The following MSRB3 variants were observed in gnomAD, a reference collection of about 807,000 sequenced individuals.
The protein encoded by MSRB3 is methionine-R-sulfoxide reductase B3.
MSRB3 carries 13 observed loss-of-function variants against 21.0 expected under a neutral mutation model. That is an observed-to-expected ratio of 0.62 (90% CI 0.40 to 0.98). The LOEUF (loss-of-function observed/expected upper bound fraction) is 0.98. Ranked by LOEUF, MSRB3 falls within the 50% of genes least tolerant of loss-of-function variation. MSRB3 has a pLI of 0.00. For missense variants in MSRB3, 199 were observed against 230.3 expected (o/e 0.86, Z 0.88); for synonymous variants, 87 against 88.6 (o/e 0.98, Z 0.10).
chr12:65,462,202 T>A (rs1007349711), intron 6 of MSRB3, among the ~76,000 whole-genome samples: 2 of 152,196 alleles, frequency 1.3e-5, no homozygotes, highest in Admixed American at 1.3e-4. Flanking sequence ...CCTGCTTGAA[T>A]ATGGTGCACC....
chr12:65,389,983 C>A (rs1879390606), intron 5 of MSRB3, among the ~76,000 whole-genome samples: 1 of 152,204 alleles, frequency 6.6e-6, no homozygotes, highest in Non-Finnish European at 1.5e-5. Flanking sequence ...GAACAATCAT[C>A]TTGCCTCCTA....
intron 4 of MSRB3, among the ~76,000 whole-genome samples, chr12:65,336,989 A>C (rs1875805824): frequency 6.6e-6 from 1 of 152,218 alleles, no homozygotes; most frequent in Non-Finnish European, 1.5e-5. Flanking sequence ...CACGCCTGTA[A>C]TCTCAGCACT....
intron 2 of MSRB3, among the ~76,000 whole-genome samples, chr12:65,325,497 C>G (rs760654604): frequency 3.0e-4 from 45 of 152,168 alleles, no homozygotes; most frequent in Non-Finnish European, 3.7e-4. Context: ...GGAGAATCAA[C>G]CGCTCTATCT....
intron 5 of MSRB3, among the ~76,000 whole-genome samples, chr12:65,438,263 A>G (rs1882210861): frequency 6.6e-6 from 1 of 151,936 alleles, no homozygotes; most frequent in African/African-American, 2.4e-5. Flanking sequence ...TGCTGAGACC[A>G]AAATTTGTTG....
At chr12:65,287,948 T>C (rs1347737787) in intron 1 of MSRB3, among the ~76,000 whole-genome samples, 1 of 152,198 alleles carries the variant, frequency 6.6e-6, no homozygotes, top group Non-Finnish European at 1.5e-5. Context: ...TTAAGCTTCT[T>C]GTGCCTCAGT....
intron 3 of MSRB3, 126 bp downstream of exon 3, chr12:65,327,060 T>C (rs969556668): frequency 1.4e-6 from 1 of 740,114 alleles, no homozygotes; most frequent in African/African-American, 1.8e-5. Context: ...TATGAATTAG[T>C]ATCCTTGAAA....
intron 1 of MSRB3, among the ~76,000 whole-genome samples, chr12:65,299,354 C>T (rs1873173685): frequency 6.6e-6 from 1 of 152,130 alleles, no homozygotes. Flanking sequence ...TATACTAGTC[C>T]AAGGTTGGGC....
intron 1 of MSRB3, among the ~76,000 whole-genome samples, chr12:65,294,287 C>G (rs1872825222): frequency 6.6e-6 from 1 of 152,188 alleles, no homozygotes; most frequent in South Asian, 2.1e-4. Flanking sequence ...TGCCCTCTGG[C>G]CTTTCATCCT....
At chr12:65,385,199 G>T (rs1005521512) in intron 5 of MSRB3, among the ~76,000 whole-genome samples, 1 of 152,034 alleles carries the variant, frequency 6.6e-6, no homozygotes, top group Non-Finnish European at 1.5e-5. Flanking sequence ...GGTTTTATTT[G>T]GTGGGAGAAG....
chr12:65,279,332 CT>C (rs1420085812), intron 1 of MSRB3: 1 of 153,252 alleles, frequency 6.5e-6, no homozygotes, highest in African/African-American at 2.4e-5. Context: ...CAGGCCTGCG[CT>C]TTTCGCCGCG....
chr12:65,408,265 T>G (rs1267929299), intron 5 of MSRB3, among the ~76,000 whole-genome samples: 2 of 152,130 alleles, frequency 1.3e-5, no homozygotes, highest in Non-Finnish European at 2.9e-5. Flanking sequence ...CAGCTAATTT[T>G]TGTACTTTTA....
chr12:65,457,020 A>G (rs773876297), intron 6 of MSRB3, among the ~76,000 whole-genome samples: 1 of 151,356 alleles, frequency 6.6e-6, no homozygotes, highest in African/African-American at 2.4e-5. Context: ...CCTTTTTCTC[A>G]GGCATCTTTT....
At chr12:65,431,834 T>A (rs1252175862) in intron 5 of MSRB3, among the ~76,000 whole-genome samples, 1 of 152,142 alleles carries the variant, frequency 6.6e-6, no homozygotes, top group Non-Finnish European at 1.5e-5. Flanking sequence ...TGTTTATAAA[T>A]GGCAGTAGCT....
intron 1 of MSRB3, among the ~76,000 whole-genome samples, chr12:65,304,328 A>T (rs1213148311): frequency 6.6e-6 from 1 of 152,180 alleles, no homozygotes; most frequent in African/African-American, 2.4e-5. Context: ...TTAAGCAGGA[A>T]ATTATAGACA....
At chr12:65,353,926 G>C (rs1166848704) in intron 4 of MSRB3, among the ~76,000 whole-genome samples, 1 of 151,926 alleles carries the variant, frequency 6.6e-6, no homozygotes. Context: ...GCCTGGTGGT[G>C]ACAAAATCTC....
At chr12:65,283,050 G>A (rs1408578401) in intron 1 of MSRB3, among the ~76,000 whole-genome samples, 6 of 152,206 alleles carry the variant, frequency 3.9e-5, no homozygotes, top group Non-Finnish European at 8.8e-5. Flanking sequence ...CTGACCTCCA[G>A]TGGCTCTTTA....
chr12:65,463,833 T>C lies in MSRB3; in HGVS notation c.*511T>C, dbSNP rs1320588083. 1.3e-5 allele frequency: 2 copies of C among 156,830 alleles called. No homozygotes were observed. Among genetic ancestry groups the C allele is most frequent in the African/African-American group, 4.9e-5 (2 of 41,132 alleles). 9.7% of individuals were successfully genotyped at this position (156,830 alleles called of 1,614,324 possible). A position where few individuals can be genotyped will look rare whatever the true frequency, so the allele number is the denominator to read the frequency against. On this transcript the variant is annotated 3_prime_UTR_variant, in exon 7 of 7. Transcript: ENST00000308259. ...TGTGGAAAGTTTGAGCTAAGGTCAT[T>C]TTTTTTTTTCTCACTGAAAGGGTGT...
chr12:65,448,482 A>G (rs1420511836), intron 5 of MSRB3, among the ~76,000 whole-genome samples: 1 of 152,218 alleles, frequency 6.6e-6, no homozygotes, highest in Non-Finnish European at 1.5e-5. Context: ...AGGTATAAGT[A>G]CTAAATCTTA....
chr12:65,384,954 A>T (rs1879134544), intron 5 of MSRB3, among the ~76,000 whole-genome samples: 1 of 152,124 alleles, frequency 6.6e-6, no homozygotes, highest in South Asian at 2.1e-4. Flanking sequence ...TTAATGTTGG[A>T]GTTTTGCCCA....
Sources: allele counts gnomAD v4.1 joint callset (sites outside exome capture counted in the v4.1 genomes callset), GRCh38; gene constraint gnomAD v4.1.1; transcripts MANE v1.5; gene names NCBI Gene and HGNC (gene_info 2026-07-23, HGNC 2026-07-21).